Variants in PPARG observed in about 807,000 individuals in gnomAD.
PPARG encodes the protein peroxisome proliferator-activated receptor gamma.
In PPARG, 17 loss-of-function variants were observed where a neutral mutation model predicts 39.2. That is an observed-to-expected ratio of 0.43 (90% CI 0.30 to 0.65). PPARG has a LOEUF of 0.65. Ranked by LOEUF, PPARG falls within the 30% of genes least tolerant of loss-of-function variation. The pLI, the probability that PPARG is intolerant of heterozygous loss-of-function variation, is 0.13. For synonymous variants in PPARG, 223 were observed against 215.7 expected, an observed-to-expected ratio of 1.03 and a Z score of -0.30; for missense variants, 406 against 585.9, an observed-to-expected ratio of 0.69 and a Z score of 3.17.
chr3:12,308,008 A>G (rs2047119799), intron 1 of PPARG, among the ~76,000 whole-genome samples: 1 of 152,110 alleles, frequency 6.6e-6, no homozygotes, highest in Admixed American at 6.6e-5. Context: ...TAGAGAACAC[A>G]AAATAGAAAA....
chr3:12,385,157 G>A (rs1260781997), intron 4 of PPARG, among the ~76,000 whole-genome samples: 5 of 152,156 alleles, frequency 3.3e-5, no homozygotes, highest in Admixed American at 2.6e-4. Context: ...TCATCTGCAT[G>A]TATTTTCTGA....
At chr3:12,313,875 CTTTCTTGT>C in intron 2 of PPARG, among the ~76,000 whole-genome samples, 1 of 152,322 alleles carries the variant, frequency 6.6e-6, no homozygotes, top group Non-Finnish European at 1.5e-5. Context: ...GAGAAGAACT[CTTTCTTGT>C]AGAAGACTTT....
At chr3:12,423,691 A>G (rs1330070001) in intron 7 of PPARG, among the ~76,000 whole-genome samples, 3 of 152,238 alleles carry the variant, frequency 2.0e-5, no homozygotes, top group African/African-American at 4.8e-5. Context: ...AAATACTGTG[A>G]ACAACAATCA....
intron 2 of PPARG, among the ~76,000 whole-genome samples, chr3:12,329,922 GCA>G (rs1317567272): frequency 6.6e-6 from 1 of 152,090 alleles, no homozygotes; most frequent in Non-Finnish European, 1.5e-5. Context: ...ATTTCATTTA[GCA>G]CAGTGTCTTC....
chr3:12,383,936 A>C (rs971887508), intron 4 of PPARG, among the ~76,000 whole-genome samples: 1 of 152,088 alleles, frequency 6.6e-6, no homozygotes, highest in Non-Finnish European at 1.5e-5. Flanking sequence ...TACTTAATAA[A>C]ACCTGAAGAC....
At chr3:12,287,716 G>A (rs1251252244), upstream of PPARG, 1 of 150,992 alleles carries the variant, frequency 6.6e-6, no homozygotes, top group Non-Finnish European at 1.5e-5. Context: ...GGGAAAGCCG[G>A]TGGCTCCCGC....
chr3:12,308,343 CAAAAAAAAAAAAAAAAA>C (rs57225468), intron 1 of PPARG, among the ~76,000 whole-genome samples: 1 of 37,286 alleles, frequency 2.7e-5, no homozygotes, highest in Non-Finnish European at 4.7e-5. Flanking sequence ...GACCCTGTCT[CAAAAAAAAAAAAAAAAA>C]AAAAAAAAAA....
chr3:12,381,994 A>G (rs553643468), intron 4 of PPARG, among the ~76,000 whole-genome samples: 5 of 152,268 alleles, frequency 3.3e-5, no homozygotes, highest in African/African-American at 9.6e-5. Context: ...GATTATTTAT[A>G]TATGCATATC....
intron 7 of PPARG, among the ~76,000 whole-genome samples, chr3:12,417,712 T>G (rs2051110422): frequency 6.6e-6 from 1 of 152,054 alleles, no homozygotes; most frequent in Non-Finnish European, 1.5e-5. Flanking sequence ...TAAAGTACCT[T>G]TGTGAGGTAG....
chr3:12,412,279 T>TA (rs950271096), intron 6 of PPARG, among the ~76,000 whole-genome samples: 24 of 149,926 alleles, frequency 1.6e-4, no homozygotes, highest in Middle Eastern at 3.4e-3. Flanking sequence ...TTCAAAAAGG[T>TA]AAAAAAAAAA....
At chr3:12,296,797 C>T (rs1022228220) in intron 1 of PPARG, among the ~76,000 whole-genome samples, 12 of 152,132 alleles carry the variant, frequency 7.9e-5, no homozygotes, top group African/African-American at 2.4e-4. Flanking sequence ...TATAAAATCA[C>T]AGAAGATGAT....
intron 4 of PPARG, among the ~76,000 whole-genome samples, chr3:12,390,713 T>C (rs1307874915): frequency 1.4e-5 from 2 of 138,400 alleles, no homozygotes; most frequent in African/African-American, 5.4e-5. Context: ...CAATCATAAC[T>C]TGGCTTACTG....
At chr3:12,298,425 A>C (rs2046849771) in intron 1 of PPARG, among the ~76,000 whole-genome samples, 2 of 151,864 alleles carry the variant, frequency 1.3e-5, no homozygotes, top group Admixed American at 1.3e-4. Flanking sequence ...ACACACACAC[A>C]GTAATAGCCT....
chr3:12,398,624 C>T (rs2050352163), intron 5 of PPARG, among the ~76,000 whole-genome samples: 1 of 152,114 alleles, frequency 6.6e-6, no homozygotes, highest in African/African-American at 2.4e-5. Context: ...AAGGGAGAGG[C>T]ACCATCAGAG....
intron 2 of PPARG, among the ~76,000 whole-genome samples, chr3:12,320,013 G>A (rs909303478): frequency 4.6e-5 from 7 of 152,064 alleles, no homozygotes; most frequent in African/African-American, 1.2e-4. Context: ...AACAGTCACC[G>A]GTACACGCTA....
At chr3:12,303,626 T>C (rs1345701227) in intron 1 of PPARG, among the ~76,000 whole-genome samples, 1 of 151,934 alleles carries the variant, frequency 6.6e-6, no homozygotes, top group Non-Finnish European at 1.5e-5. Context: ...AAATAGTCCT[T>C]CTTTGTCAAA....
chr3:12,343,248 T>G (rs2048235253), intron 2 of PPARG, among the ~76,000 whole-genome samples: 1 of 152,200 alleles, frequency 6.6e-6, no homozygotes, highest in South Asian at 2.1e-4. Context: ...CTCTCTTGGT[T>G]GAGTCTTGCC....
intron 2 of PPARG, among the ~76,000 whole-genome samples, chr3:12,337,207 T>C (rs1447963346): frequency 6.6e-6 from 1 of 152,146 alleles, no homozygotes; most frequent in Non-Finnish European, 1.5e-5. Flanking sequence ...ATAAGAAAGA[T>C]CAGGAAGCCA....
intron 2 of PPARG, among the ~76,000 whole-genome samples, chr3:12,332,406 A>G (rs36009235): frequency 0.022 from 3,390 of 152,322 alleles, 56 homozygotes; most frequent in Middle Eastern, 0.041. Context: ...TTATCCCAGG[A>G]AGTGCTCTGG....
Sources: allele counts gnomAD v4.1 joint callset (sites outside exome capture counted in the v4.1 genomes callset), GRCh38; gene constraint gnomAD v4.1.1; transcripts MANE v1.5; gene names NCBI Gene and HGNC (gene_info 2026-07-23, HGNC 2026-07-21).